The following ATOH8 variants were observed in gnomAD, a reference collection of about 807,000 sequenced individuals.
ATOH8 encodes transcription factor ATOH8.
ATOH8 carries 9 observed loss-of-function variants against 21.2 expected under a neutral mutation model. That is an observed-to-expected ratio of 0.42 (90% CI 0.26 to 0.74). The LOEUF (loss-of-function observed/expected upper bound fraction) is 0.74. Ranked by LOEUF, ATOH8 falls within the 30% of genes least tolerant of loss-of-function variation. The pLI is 0.24. For missense variants in ATOH8, 524 were observed against 470.9 expected, an observed-to-expected ratio of 1.11 and a Z score of -1.04; for synonymous variants, 253 against 224.0, an observed-to-expected ratio of 1.13 and a Z score of -1.16.
At chr2:85,755,760 G>C (rs550375898) in intron 1 of ATOH8, among the ~76,000 whole-genome samples, 2 of 152,280 alleles carry the variant, frequency 1.3e-5, no homozygotes, top group East Asian at 3.9e-4. Context: ...CCCGTGGTGG[G>C]GCGGGACAAT....
At chr2:85,783,484 CT>C (rs1333036619) in intron 2 of ATOH8, 4 of 152,442 alleles carry the variant, frequency 2.6e-5, no homozygotes, top group Non-Finnish European at 5.9e-5. Flanking sequence ...AGGAGAATCA[CT>C]TGAACCTGGG....
intron 1 of ATOH8, among the ~76,000 whole-genome samples, chr2:85,758,450 G>A (rs1317490631): frequency 1.3e-5 from 2 of 152,228 alleles, no homozygotes; most frequent in African/African-American, 4.8e-5. Context: ...GTCATGTACA[G>A]TGGCAGCCTG....
chr2:85,778,477 A>G (rs1680395174), intron 2 of ATOH8, among the ~76,000 whole-genome samples: 1 of 152,128 alleles, frequency 6.6e-6, no homozygotes, highest in Admixed American at 6.5e-5. Flanking sequence ...TTTGCATGGA[A>G]CGCACACTGT....
At chr2:85,772,953 CT>C (rs1156527232) in intron 2 of ATOH8, 1 of 395,380 alleles carries the variant, frequency 2.5e-6, no homozygotes, top group Non-Finnish European at 4.9e-6. Flanking sequence ...GCTGTTGTCA[CT>C]GGGGATGGTT....
At chr2:85,768,236 AC>A (rs1311101482) in intron 2 of ATOH8, among the ~76,000 whole-genome samples, 1 of 151,880 alleles carries the variant, frequency 6.6e-6, no homozygotes, top group Non-Finnish European at 1.5e-5. Context: ...AGCCCTTCCT[AC>A]CCCAATGAGC....
At chr2:85,754,993 G>C (rs1393522218) in intron 1 of ATOH8, 36 bp downstream of exon 1, 1 of 1,546,968 alleles carries the variant, frequency 6.5e-7, no homozygotes, top group Admixed American at 2.0e-5. Flanking sequence ...CACTGCGCCG[G>C]GGGACGACTG....
intron 2 of ATOH8, among the ~76,000 whole-genome samples, chr2:85,770,302 T>C (rs1179287347): frequency 1.3e-5 from 2 of 152,196 alleles, no homozygotes; most frequent in Non-Finnish European, 2.9e-5. Context: ...CAGCTCCTAC[T>C]GCTTCCCTGT....
At position 85,786,926 on chromosome 2, in the gene ATOH8, C is replaced by T; in HGVS notation, c.*36C>T. ...GCAAGACCAAGGCCACCACTGTGGG[C>T]CCTCCTTCCAGTCAGGCCTGAGGAC... On this transcript the variant is annotated 3_prime_UTR_variant, in exon 3 of 3. Transcript: ENST00000306279. The T allele has an allele frequency of 6.2e-7, 1 of 1,614,066 alleles. No homozygotes were observed. Among genetic ancestry groups the T allele is most frequent in the South Asian group, 1.1e-5 (1 of 91,074 alleles).
In ATOH8 at chr2:85,783,734, C is replaced by T. The variant is rs563290691; in HGVS notation, c.961-3151C>T. 3.9e-5 allele frequency: 6 copies of T among 152,198 alleles called. 1 individual carries two copies. Among genetic ancestry groups the T allele is most frequent in the African/African-American group, 1.4e-4 (6 of 41,494 alleles). 9.4% of individuals were successfully genotyped at this position (152,198 alleles called of 1,614,324 possible). On this transcript the variant is annotated intron_variant, in intron 2 of 2. Coordinates refer to ENST00000306279, the MANE Select transcript of ATOH8 (RefSeq NM_032827.7). ...GAATGTAAGCCTCTCGCACTGTGCC[C>T]CTCACATGGGACACAGGATGTTGCC...
At chr2:85,777,782 A>G (rs1161385675) in intron 2 of ATOH8, among the ~76,000 whole-genome samples, 1 of 152,242 alleles carries the variant, frequency 6.6e-6, no homozygotes, top group Non-Finnish European at 1.5e-5. Flanking sequence ...TGGGATCCCC[A>G]GAGCCTCCAG....
rs894876487 is a variant in ATOH8 at position 85,760,071 on chromosome 2, TC to T, written c.769-3917del. Reference sequence around the variant, plus strand: ...CAGGAGTGGAGCCAGGCCCTCGGGCTCCCAGGCCAGTGCTCTTCATGTTTTT... The same window carrying T: ...CAGGAGTGGAGCCAGGCCCTCGGGCTCCAGGCCAGTGCTCTTCATGTTTTT... On this transcript the variant is annotated intron_variant, in intron 1 of 2. Coordinates refer to ENST00000306279, the MANE Select transcript of ATOH8 (RefSeq NM_032827.7). Among the ~76,000 whole-genome samples the T allele has an allele frequency of 2.0e-5, 3 of 152,112 alleles. No homozygotes were observed. The East Asian group carries it at 5.8e-4, about 29-fold the overall frequency.
intron 2 of ATOH8, chr2:85,775,221 C>T (rs1233668947): frequency 2.0e-6 from 2 of 985,090 alleles, no homozygotes; most frequent in Non-Finnish European, 2.4e-6. Flanking sequence ...AGACTGTGAG[C>T]CCCTTTCTCT....
intron 2 of ATOH8, among the ~76,000 whole-genome samples, chr2:85,771,954 T>G (rs1013037821): frequency 6.6e-6 from 1 of 152,236 alleles, no homozygotes; most frequent in African/African-American, 2.4e-5. Context: ...TTTTATCTCT[T>G]TGGTTCTGAG....
chr2:85,765,643 T>C (rs1233358358), intron 2 of ATOH8, among the ~76,000 whole-genome samples: 1 of 151,968 alleles, frequency 6.6e-6, no homozygotes, highest in Non-Finnish European at 1.5e-5. Context: ...GGTCCGGAGG[T>C]GTAGATGGGC....
At chr2:85,769,963 G>A (rs1225864998) in intron 2 of ATOH8, among the ~76,000 whole-genome samples, 1 of 152,222 alleles carries the variant, frequency 6.6e-6, no homozygotes, top group Admixed American at 6.5e-5. Flanking sequence ...CCCTTGCCAA[G>A]CCCACCTAAA....
At chr2:85,756,683 AT>A (rs1365317820) in intron 1 of ATOH8, among the ~76,000 whole-genome samples, 1 of 152,158 alleles carries the variant, frequency 6.6e-6, no homozygotes, top group African/African-American at 2.4e-5. Context: ...GGATTAACTC[AT>A]TTTATAGTAT....
At chr2:85,760,853 G>A (rs1679851233) in intron 1 of ATOH8, 1 of 152,266 alleles carries the variant, frequency 6.6e-6, no homozygotes, top group Admixed American at 6.5e-5. Context: ...TTCCAGATGA[G>A]GAAACGGAGG....
chr2:85,756,234 G>T (rs1679691507), intron 1 of ATOH8, among the ~76,000 whole-genome samples: 1 of 152,074 alleles, frequency 6.6e-6, no homozygotes, highest in African/African-American at 2.4e-5. Context: ...CTGGGCCTCT[G>T]CCCTCATCCA....
At chr2:85,784,930 C>T (rs1273739217) in intron 2 of ATOH8, among the ~76,000 whole-genome samples, 1 of 152,208 alleles carries the variant, frequency 6.6e-6, no homozygotes, top group Non-Finnish European at 1.5e-5. Context: ...GATTCTTGGA[C>T]CGAGGTGGTG....
Sources: allele counts gnomAD v4.1 joint callset (sites outside exome capture counted in the v4.1 genomes callset), GRCh38; gene constraint gnomAD v4.1.1; transcripts MANE v1.5; gene names NCBI Gene and HGNC (gene_info 2026-07-23, HGNC 2026-07-21).